TFCP2: variants seen among roughly 807,000 people sequenced by gnomAD.
The protein encoded by TFCP2 is transcription factor CP2.
In TFCP2, 33 loss-of-function variants were observed where a neutral mutation model predicts 73.4. The ratio of observed to expected loss-of-function variants is 0.45; its 90% CI spans 0.34 to 0.60. TFCP2 has a LOEUF of 0.60. Ranked by LOEUF, TFCP2 falls within the 20% of genes least tolerant of loss-of-function variation. The probability of loss-of-function intolerance (pLI) is 0.01; values close to 1 mark genes in which losing one functional copy is unlikely to be tolerated. For missense variants in TFCP2, 352 were observed against 604.0 expected, an observed-to-expected ratio of 0.58 and a Z score of 4.37; for synonymous variants, 193 against 211.6, an observed-to-expected ratio of 0.91 and a Z score of 0.76.
intron 1 of TFCP2, among the ~76,000 whole-genome samples, chr12:51,171,571 T>C (rs1941862965): frequency 6.6e-6 from 1 of 151,520 alleles, no homozygotes; most frequent in Admixed American, 6.6e-5. Context: ...AGAGACGGGG[T>C]TTCACCACGT....
intron 1 of TFCP2, among the ~76,000 whole-genome samples, chr12:51,136,343 C>T (rs542360265): frequency 2.6e-5 from 4 of 151,570 alleles, no homozygotes; most frequent in South Asian, 2.1e-4. Context: ...GGTTCCCTGA[C>T]GGAGCATAAC....
chr12:51,139,542 T>C (rs1477642467), intron 1 of TFCP2, among the ~76,000 whole-genome samples: 3 of 152,048 alleles, frequency 2.0e-5, no homozygotes, highest in Non-Finnish European at 4.4e-5. Context: ...CACACCTGGC[T>C]CATCTTTTAA....
chr12:51,160,053 C>G lies in TFCP2; in HGVS notation c.122+12248G>C, dbSNP rs549107929. 1.2e-3 allele frequency among the ~76,000 whole-genome samples: 177 copies of G among 151,818 alleles called. 2 individuals carry two copies. Among genetic ancestry groups the G allele is most frequent in the African/African-American group, 4.2e-3 (173 of 41,386 alleles). On this transcript the variant is annotated intron_variant, in intron 1 of 14. Coordinates refer to ENST00000257915, the MANE Select transcript of TFCP2 (RefSeq NM_005653.5). ...AGGAGATGCATCAGACAGATTCTGC[C>G]AAAGCAACTGTTATCTTGGTGGTGG...
At chr12:51,128,634 T>C (rs1940869082) in intron 1 of TFCP2, among the ~76,000 whole-genome samples, 1 of 152,204 alleles carries the variant, frequency 6.6e-6, no homozygotes, top group African/African-American at 2.4e-5. Context: ...AAAGTCTCTC[T>C]TGATATCACT....
At chr12:51,112,807 C>T (rs1396107441) in intron 4 of TFCP2, among the ~76,000 whole-genome samples, 2 of 146,510 alleles carry the variant, frequency 1.4e-5, no homozygotes, top group Non-Finnish European at 3.0e-5. Flanking sequence ...ACAGAGGTTG[C>T]AGTGAGCCGA....
chr12:51,113,200 T>C (rs1355321220), intron 4 of TFCP2, among the ~76,000 whole-genome samples: 3 of 152,208 alleles, frequency 2.0e-5, no homozygotes, highest in African/African-American at 7.2e-5. Flanking sequence ...GGTCAACTTA[T>C]CATACAGATA....
intron 1 of TFCP2, among the ~76,000 whole-genome samples, chr12:51,141,997 G>GT (rs1343763904): frequency 1.3e-5 from 2 of 151,270 alleles, no homozygotes; most frequent in African/African-American, 4.9e-5. Flanking sequence ...GAGGTCAGGA[G>GT]TTTGAGACCA....
chr12:51,172,270 AAGGTGT>A, intron 1 of TFCP2, 25 bp downstream of exon 1: 1 of 1,611,876 alleles, frequency 6.2e-7, no homozygotes, highest in Non-Finnish European at 8.5e-7. Flanking sequence ...TGTTATTCAG[AAGGTGT>A]AGGGTCTGGG....
At chr12:51,149,946 G>GT (rs1941387584) in intron 1 of TFCP2, among the ~76,000 whole-genome samples, 1 of 152,126 alleles carries the variant, frequency 6.6e-6, no homozygotes, top group Admixed American at 6.6e-5. Context: ...ATAAAACAGT[G>GT]TAACAAATGA....
Position 51,120,326 on chromosome 12 carries a change from C to T in TFCP2, c.123-1554G>A, listed in dbSNP as rs985951953. ...TACTCAGTGAAACAAAGGAATGCAA[C>T]ACGGATGAATCTCACAGATATAATG... On this transcript the variant is annotated intron_variant, in intron 1 of 14. Transcript: ENST00000257915. Among the ~76,000 whole-genome samples, 5 of 151,206 alleles carry T rather than the reference C, an allele frequency of 3.3e-5. No individual in the cohort carries two copies. The South Asian group carries it at 8.3e-4, about 25-fold the overall frequency.
intron 1 of TFCP2, among the ~76,000 whole-genome samples, chr12:51,151,570 A>G (rs924251040): frequency 6.6e-6 from 1 of 151,968 alleles, no homozygotes; most frequent in Non-Finnish European, 1.5e-5. Context: ...TCAAGTAGCT[A>G]GGACTACAGG....
chr12:51,109,371 G>A (rs1030766266), intron 5 of TFCP2, 98 bp from the exon 6 acceptor site: 3 of 1,266,136 alleles, frequency 2.4e-6, no homozygotes, highest in Non-Finnish European at 3.3e-6. Flanking sequence ...CCTTTACCAG[G>A]CATTATGAAT....
intron 1 of TFCP2, among the ~76,000 whole-genome samples, chr12:51,126,232 CAAAAAAA>C (rs371407608): frequency 1.1e-5 from 1 of 87,766 alleles, no homozygotes; most frequent in Admixed American, 1.4e-4. Context: ...GACTCTGTCT[CAAAAAAA>C]AAAAAAAAAA....
chr12:51,135,782 C>T (rs1017346986), intron 1 of TFCP2, among the ~76,000 whole-genome samples: 4 of 151,984 alleles, frequency 2.6e-5, no homozygotes, highest in Admixed American at 6.6e-5. Context: ...CTTGACTTTA[C>T]AGAGGTCCTC....
At position 51,099,704 on chromosome 12, in the gene TFCP2, C is replaced by T. The variant is rs1940062170; in HGVS notation, c.1227G>A (p.Gln409=). ...LQLREQQQQQ[Q]QQQQKHEDGD... Reference sequence around the variant, plus strand: ...CATCCTCATGCTTCTGCTGCTGTTGCTGCTGCTGTTGTTGCTGCTCCCTCA... The same window carrying T: ...CATCCTCATGCTTCTGCTGCTGTTGTTGCTGCTGTTGTTGCTGCTCCCTCA... Residue 409 remains glutamine, a synonymous_variant, in exon 12 of 15, where the codon CAG becomes CAA. Transcript: ENST00000257915. 6.2e-7 allele frequency: 1 copy of T among 1,614,152 alleles called. No individual in the cohort carries two copies. Among genetic ancestry groups the T allele is most frequent in the Non-Finnish European group, 8.5e-7 (1 of 1,180,020 alleles).
At chr12:51,119,556 G>A (rs781052993) in intron 1 of TFCP2, among the ~76,000 whole-genome samples, 25 of 151,936 alleles carry the variant, frequency 1.6e-4, no homozygotes, top group Non-Finnish European at 2.9e-4. Context: ...GTGGAAACCC[G>A]CCTGACCAAC....
At chr12:51,105,066 C>G (rs1298977635) in intron 8 of TFCP2, among the ~76,000 whole-genome samples, 1 of 150,530 alleles carries the variant, frequency 6.6e-6, no homozygotes, top group Non-Finnish European at 1.5e-5. Flanking sequence ...ATTTATGATC[C>G]AAGGGTTATC....
chr12:51,153,795 G>C (rs1473744034), intron 1 of TFCP2, among the ~76,000 whole-genome samples: 2 of 152,014 alleles, frequency 1.3e-5, no homozygotes, highest in Non-Finnish European at 2.9e-5. Flanking sequence ...TGTTTATCTA[G>C]GTTCCTTCCA....
intron 1 of TFCP2, among the ~76,000 whole-genome samples, chr12:51,169,827 A>C (rs575554904): frequency 5.9e-5 from 9 of 152,348 alleles, no homozygotes; most frequent in Non-Finnish European, 1.0e-4. Context: ...TGTTGAAAAA[A>C]CTAAATGTGT....
Sources: gnomAD v4.1 joint callset for allele counts (sites outside exome capture counted in the v4.1 genomes callset) on GRCh38, gnomAD v4.1.1 for gene constraint, MANE v1.5 for transcripts, NCBI Gene and HGNC (gene_info 2026-07-23, HGNC 2026-07-21) for gene names.